The following NARS2 variants were observed in gnomAD, a reference collection of about 807,000 sequenced individuals.
NARS2 encodes the protein asparaginyl-tRNA synthetase 2, mitochondrial.
NARS2 carries 60 observed loss-of-function variants against 62.9 expected under a neutral mutation model. The observed-to-expected ratio is 0.95, with a 90% CI of 0.77 to 1.18. The LOEUF (loss-of-function observed/expected upper bound fraction) is 1.18, where lower values mean the gene tolerates loss of function less well. Among genes scored for constraint, NARS2 ranks in the 50% most tolerant of loss-of-function variants. The pLI is 0.00. For synonymous variants in NARS2, 196 were observed against 200.0 expected, an observed-to-expected ratio of 0.98 and a Z score of 0.17; for missense variants, 619 against 576.4, an observed-to-expected ratio of 1.07 and a Z score of -0.76.
rs1431931594 is a variant in NARS2, at chr11:78,486,081, G to A, written c.822+6982C>T. Among the ~76,000 whole-genome samples, 11 of 152,114 alleles carry A rather than the reference G, an allele frequency of 7.2e-5. 1 individual carries two copies. The highest frequency in any genetic ancestry group is 2.7e-4 in the African/African-American group (11 of 41,430). On this transcript the variant is annotated intron_variant, in intron 7 of 13. Transcript: ENST00000281038. ...GTAGAGACAGGGTTTCACCATGTTG[G>A]CCAGATTGGTCTTGAACTCCTGACC...
intron 11 of NARS2, among the ~76,000 whole-genome samples, chr11:78,445,096 G>A (rs184912872): frequency 3.4e-4 from 52 of 152,244 alleles, no homozygotes; most frequent in Non-Finnish European, 5.6e-4. Context: ...TACATAATGA[G>A]ATGTTGTGTT....
chr11:78,456,102 A>G (rs1858154631), intron 11 of NARS2, among the ~76,000 whole-genome samples: 1 of 152,164 alleles, frequency 6.6e-6, no homozygotes. Context: ...AACTCCCTAA[A>G]TGTCTTTTCC....
intron 11 of NARS2, among the ~76,000 whole-genome samples, chr11:78,454,697 C>A (rs1029540567): frequency 6.6e-6 from 1 of 151,688 alleles, no homozygotes; most frequent in African/African-American, 2.4e-5. Context: ...CGGCTCACTG[C>A]AACCTCCACC....
chr11:78,523,538 C>G (rs772983181), intron 6 of NARS2, among the ~76,000 whole-genome samples: 6 of 152,148 alleles, frequency 3.9e-5, no homozygotes, highest in Non-Finnish European at 8.8e-5. Context: ...ACATTACTTA[C>G]AAGAGCCAAA....
chr11:78,554,654 G>C (rs533208749), intron 5 of NARS2, among the ~76,000 whole-genome samples: 1 of 152,246 alleles, frequency 6.6e-6, no homozygotes, highest in South Asian at 2.1e-4. Flanking sequence ...TTATTTATCA[G>C]CTGAAGGAGC....
chr11:78,553,887 T>C (rs1034983648), intron 5 of NARS2, among the ~76,000 whole-genome samples: 2 of 152,340 alleles, frequency 1.3e-5, no homozygotes, highest in East Asian at 3.9e-4. Flanking sequence ...CATTTAAGCC[T>C]CTTTAATCCA....
intron 4 of NARS2, among the ~76,000 whole-genome samples, chr11:78,564,943 G>A (rs1856693814): frequency 6.6e-6 from 1 of 152,220 alleles, no homozygotes; most frequent in Non-Finnish European, 1.5e-5. Context: ...GGGGCTGTGT[G>A]AATTTGGATA....
At chr11:78,532,365 C>T (rs1861511755) in intron 5 of NARS2, among the ~76,000 whole-genome samples, 1 of 151,998 alleles carries the variant, frequency 6.6e-6, no homozygotes. Flanking sequence ...GAAATATTTG[C>T]AACATCTAAA....
Position 78,574,475 on chromosome 11 carries a change from C to T in NARS2, c.14G>A (p.Arg5His). Reference protein sequence around the residue: MLGVRCLLRSVRFCS... With the variant: MLGVHCLLRSVRFCS... ...GAAGCGCACGGACCGCAGCAGGCAG[C>T]GGACCCCCAGCATCCCGCGTCCGCC... Residue 5 changes from arginine to histidine, a missense_variant, in exon 1 of 14, where the codon CGC becomes CAC. Physicochemically the swap from Arg to His is conservative, Grantham distance 29. Transcript: ENST00000281038. The T allele has an allele frequency of 1.9e-6, 3 of 1,612,180 alleles. No individual in the cohort carries two copies. Among genetic ancestry groups the T allele is most frequent in the South Asian group, 2.2e-5 (2 of 91,002 alleles).
At chr11:78,469,392 G>T in intron 9 of NARS2, 79 bp from the exon 10 acceptor site, 1 of 999,808 alleles carries the variant, frequency 1.0e-6, no homozygotes, top group Non-Finnish European at 1.6e-6. Context: ...ACCAGAAAAA[G>T]CGTACTCCTA....
chr11:78,450,335 G>A lies in NARS2; in HGVS notation c.1165-6577C>T, dbSNP rs73504926. On this transcript the variant is annotated intron_variant, in intron 11 of 13. Coordinates refer to ENST00000281038, the MANE Select transcript of NARS2 (RefSeq NM_024678.6). ...ACTTACCAAAATAGGCTATTTTCACGGGATAAAAATTTTAGAAGACATCTG... is the reference window on the plus strand; with the variant it reads ...ACTTACCAAAATAGGCTATTTTCACAGGATAAAAATTTTAGAAGACATCTG... Among the ~76,000 whole-genome samples the A allele has an allele frequency of 5.4e-3, 816 of 152,188 alleles. 6 individuals carry two copies. Among genetic ancestry groups the A allele is most frequent in the African/African-American group, 0.019 (788 of 41,512 alleles).
intron 4 of NARS2, among the ~76,000 whole-genome samples, chr11:78,561,459 A>G (rs1856553410): frequency 6.6e-6 from 1 of 152,216 alleles, no homozygotes; most frequent in South Asian, 2.1e-4. Flanking sequence ...AAGAGGCCAA[A>G]AATAAAAGCA....
At chr11:78,498,571 GTCCT>G (rs754052603) in intron 6 of NARS2, among the ~76,000 whole-genome samples, 1 of 151,430 alleles carries the variant, frequency 6.6e-6, no homozygotes, top group Non-Finnish European at 1.5e-5. Context: ...TGCTTATTTG[GTCCT>G]TCCACTTGTC....
At chr11:78,530,749 G>A (rs929632538) in intron 5 of NARS2, among the ~76,000 whole-genome samples, 4 of 152,184 alleles carry the variant, frequency 2.6e-5, no homozygotes, top group African/African-American at 9.7e-5. Context: ...TTACAGGCAT[G>A]AGCCACCGTG....
chr11:78,440,635 C>T (rs188270395), intron 13 of NARS2, among the ~76,000 whole-genome samples: 10 of 151,880 alleles, frequency 6.6e-5, no homozygotes, highest in East Asian at 2.0e-4. Flanking sequence ...CAGGTTCAAG[C>T]GATTCTCCTG....
In NARS2 at chr11:78,571,517, A is replaced by G. The variant is rs1192956195; in HGVS notation, c.142-73T>C. 3 of 992,024 alleles carry G rather than the reference A, an allele frequency of 3.0e-6. No individual in the cohort carries two copies. The Admixed American group carries it at 6.6e-5, about 22-fold the overall frequency. 61.5% of individuals were successfully genotyped at this position (992,024 alleles called of 1,614,324 possible). A position where few individuals can be genotyped will look rare whatever the true frequency, so the allele number is the denominator to read the frequency against. On this transcript the variant is annotated intron_variant, in intron 1 of 13. Transcript: ENST00000281038. ...TTCATTACACATACACACACAGACT[A>G]AATGAAAGTAAAACATGTACTCACA...
At chr11:78,460,162 C>T (rs1475011672) in intron 11 of NARS2, among the ~76,000 whole-genome samples, 1 of 152,126 alleles carries the variant, frequency 6.6e-6, no homozygotes, top group Non-Finnish European at 1.5e-5. Flanking sequence ...GGAGACACAG[C>T]CACATTCTAC....
intron 7 of NARS2, among the ~76,000 whole-genome samples, chr11:78,489,783 C>T (rs7939124): frequency 2.0e-5 from 3 of 152,110 alleles, no homozygotes; most frequent in Non-Finnish European, 2.9e-5. Flanking sequence ...TGGGTGGCTG[C>T]GGCTCACATG....
intron 10 of NARS2, among the ~76,000 whole-genome samples, chr11:78,466,479 T>C (rs2135215768): frequency 6.6e-6 from 1 of 152,174 alleles, no homozygotes; most frequent in East Asian, 1.9e-4. Flanking sequence ...TGACTTCTCT[T>C]GGTGACTTTT....
Sources: allele counts gnomAD v4.1 joint callset (sites outside exome capture counted in the v4.1 genomes callset), GRCh38; gene constraint gnomAD v4.1.1; transcripts MANE v1.5; gene names NCBI Gene and HGNC (gene_info 2026-07-23, HGNC 2026-07-21).